Variants in MBOAT2 observed in about 807,000 individuals in gnomAD.
MBOAT2 encodes membrane-bound glycerophospholipid O-acyltransferase 2.
MBOAT2 carries 28 observed loss-of-function variants against 63.4 expected under a neutral mutation model. The ratio of observed to expected loss-of-function variants is 0.44; its 90% CI spans 0.33 to 0.61. MBOAT2 has a LOEUF of 0.61. Ranked by LOEUF, MBOAT2 falls within the 20% of genes least tolerant of loss-of-function variation. MBOAT2 has a pLI of 0.03. For missense variants in MBOAT2, 470 were observed against 605.8 expected, an observed-to-expected ratio of 0.78 and a Z score of 2.35; for synonymous variants, 211 against 215.6, an observed-to-expected ratio of 0.98 and a Z score of 0.19.
intron 9 of MBOAT2, among the ~76,000 whole-genome samples, chr2:8,865,765 G>A (rs986665313): frequency 2.3e-4 from 35 of 152,300 alleles, no homozygotes; most frequent in Admixed American, 1.0e-3. Flanking sequence ...GGATGGGCAC[G>A]GTGGCTCATG....
intron 1 of MBOAT2, among the ~76,000 whole-genome samples, chr2:8,977,958 C>T (rs1268645744): frequency 6.6e-6 from 1 of 152,084 alleles, no homozygotes; most frequent in African/African-American, 2.4e-5. Context: ...ACTCTGTCTC[C>T]ACGGCTGCGA....
chr2:8,993,742 A>G (rs1398473847), intron 1 of MBOAT2, among the ~76,000 whole-genome samples: 2 of 152,184 alleles, frequency 1.3e-5, no homozygotes, highest in Non-Finnish European at 2.9e-5. Context: ...AAATCACTGC[A>G]TTCAACTGCA....
At chr2:8,892,954 T>C (rs1363390916) in intron 4 of MBOAT2, among the ~76,000 whole-genome samples, 1 of 151,278 alleles carries the variant, frequency 6.6e-6, no homozygotes, top group Non-Finnish European at 1.5e-5. Flanking sequence ...TGGATCTGAG[T>C]GACACGGGAA....
chr2:8,915,067 T>A (rs1666065938), intron 3 of MBOAT2, among the ~76,000 whole-genome samples: 1 of 149,320 alleles, frequency 6.7e-6, no homozygotes, highest in Non-Finnish European at 1.5e-5. Context: ...GCCTCCCGAG[T>A]AGCTGAGACT....
At chr2:8,868,856 G>A (rs183412132) in intron 8 of MBOAT2, among the ~76,000 whole-genome samples, 190 of 152,274 alleles carry the variant, frequency 1.2e-3, no homozygotes, top group African/African-American at 4.0e-3. Context: ...TGTGCCACTG[G>A]AACACAGCAG....
chr2:8,995,689 C>T (rs183466581), intron 1 of MBOAT2, among the ~76,000 whole-genome samples: 2,470 of 148,136 alleles, frequency 0.017, 32 homozygotes, highest in Non-Finnish European at 0.022. Context: ...CTCCCGGGTT[C>T]GCGCCATTCT....
At chr2:8,943,797 C>T (rs963408680) in intron 2 of MBOAT2, among the ~76,000 whole-genome samples, 2 of 152,158 alleles carry the variant, frequency 1.3e-5, no homozygotes, top group Non-Finnish European at 2.9e-5. Context: ...AATAAACTTC[C>T]TTATATAAAT....
intron 1 of MBOAT2, among the ~76,000 whole-genome samples, chr2:8,997,267 G>A (rs1274629243): frequency 6.6e-6 from 1 of 152,220 alleles, no homozygotes; most frequent in Non-Finnish European, 1.5e-5. Flanking sequence ...CTGAGTGTGA[G>A]TTGTTTTTAT....
intron 4 of MBOAT2, among the ~76,000 whole-genome samples, chr2:8,895,575 C>T (rs748443082): frequency 5.9e-5 from 9 of 152,190 alleles, no homozygotes; most frequent in African/African-American, 1.2e-4. Flanking sequence ...TTTAGCTAGA[C>T]AGAAAAGTGC....
intron 1 of MBOAT2, among the ~76,000 whole-genome samples, chr2:9,001,434 G>A (rs889992194): frequency 2.0e-5 from 3 of 152,144 alleles, no homozygotes; most frequent in Non-Finnish European, 4.4e-5. Context: ...GCTACGACAT[G>A]ACAATGACTA....
At chr2:8,966,778 T>A (rs1179109131) in intron 1 of MBOAT2, among the ~76,000 whole-genome samples, 1 of 152,270 alleles carries the variant, frequency 6.6e-6, no homozygotes, top group African/African-American at 2.4e-5. Context: ...GGTCAACAAG[T>A]GCTTTAGAAA....
intron 1 of MBOAT2, among the ~76,000 whole-genome samples, chr2:8,982,824 G>C (rs928204148): frequency 1.3e-5 from 2 of 152,144 alleles, no homozygotes; most frequent in African/African-American, 4.8e-5. Flanking sequence ...ATAAGGACCT[G>C]TTCCTTCCTC....
At chr2:8,905,353 A>G (rs1037415976) in intron 4 of MBOAT2, among the ~76,000 whole-genome samples, 2 of 150,916 alleles carry the variant, frequency 1.3e-5, no homozygotes, top group African/African-American at 4.9e-5. Context: ...AAAACAAAAC[A>G]AAAAAAAACA....
intron 1 of MBOAT2, among the ~76,000 whole-genome samples, chr2:8,960,808 T>C (rs1016830750): frequency 6.6e-6 from 1 of 152,122 alleles, no homozygotes; most frequent in African/African-American, 2.4e-5. Flanking sequence ...CAAAAATATG[T>C]ATAAAAAATA....
chr2:8,872,337 G>T (rs892406064), intron 8 of MBOAT2, among the ~76,000 whole-genome samples: 1 of 152,142 alleles, frequency 6.6e-6, no homozygotes, highest in Admixed American at 6.6e-5. Context: ...CAGTGCAGGG[G>T]TGCAATCATA....
intron 3 of MBOAT2, among the ~76,000 whole-genome samples, chr2:8,932,715 G>A (rs373868616): frequency 1.2e-4 from 18 of 151,658 alleles, no homozygotes; most frequent in East Asian, 9.6e-4. Context: ...CTTCCTACAC[G>A]GGATTGTTTC....
At chr2:8,866,184 T>C (rs926730326) in intron 9 of MBOAT2, among the ~76,000 whole-genome samples, 10 of 152,206 alleles carry the variant, frequency 6.6e-5, no homozygotes, top group Non-Finnish European at 8.8e-5. Context: ...TCTCATGCCA[T>C]GCACTCTCAG....
intron 4 of MBOAT2, among the ~76,000 whole-genome samples, chr2:8,897,182 T>G (rs1664544252): frequency 6.6e-6 from 1 of 150,436 alleles, no homozygotes. Context: ...TGTCTCTTTC[T>G]CTCTTTTTCT....
intron 4 of MBOAT2, among the ~76,000 whole-genome samples, chr2:8,900,672 T>C (rs1664855689): frequency 6.6e-6 from 1 of 152,160 alleles, no homozygotes. Context: ...ATAGGGAGGC[T>C]AGGATATGGC....
Sources: gnomAD v4.1 joint callset for allele counts (sites outside exome capture counted in the v4.1 genomes callset) on GRCh38, gnomAD v4.1.1 for gene constraint, MANE v1.5 for transcripts, NCBI Gene and HGNC (gene_info 2026-07-23, HGNC 2026-07-21) for gene names.